Variants in IFT140 observed in about 807,000 individuals in gnomAD.
The protein encoded by IFT140 is intraflagellar transport 140, also known as intraflagellar transport protein 140 homolog.
Under a neutral mutation model 164.6 loss-of-function variants are expected in IFT140, and 133 were observed. That is an observed-to-expected ratio of 0.81 (90% CI 0.70 to 0.93). IFT140 has a LOEUF of 0.93. Ranked by LOEUF, IFT140 falls within the 40% of genes least tolerant of loss-of-function variation. The pLI is 0.00. For missense variants in IFT140, 2,045 were observed against 1,972.3 expected (o/e 1.04, Z -0.70); for synonymous variants, 860 against 817.3 (o/e 1.05, Z -0.89).
At chr16:1,594,416 G>A (rs1018716967) in intron 4 of IFT140, among the ~76,000 whole-genome samples, 5 of 151,876 alleles carry the variant, frequency 3.3e-5, no homozygotes, top group African/African-American at 4.8e-5. Flanking sequence ...AGATGGGGTC[G>A]CACTATGTTG....
intron 19 of IFT140, among the ~76,000 whole-genome samples, chr16:1,549,203 C>G (rs1177191266): frequency 6.6e-6 from 1 of 152,252 alleles, no homozygotes; most frequent in Admixed American, 6.5e-5. Context: ...GTGCTCCAAA[C>G]AGAACCAAAG....
intron 2 of IFT140, among the ~76,000 whole-genome samples, chr16:1,608,343 C>A (rs537483486): frequency 2.0e-5 from 3 of 152,154 alleles, no homozygotes; most frequent in Non-Finnish European, 4.4e-5. Flanking sequence ...GGGTTTGCCA[C>A]CATTTAAAAT....
At chr16:1,523,791 C>T (rs2040592235) in intron 25 of IFT140, 37 bp downstream of exon 25, 3 of 1,607,350 alleles carry the variant, frequency 1.9e-6, no homozygotes, top group Non-Finnish European at 8.5e-7. Flanking sequence ...TGGCTTGCTG[C>T]CCCTCCCCCA....
intron 14 of IFT140, among the ~76,000 whole-genome samples, chr16:1,569,128 C>G (rs2033885592): frequency 2.6e-5 from 4 of 151,972 alleles, no homozygotes; most frequent in Admixed American, 2.0e-4. Flanking sequence ...CCTCAGCCTC[C>G]CGAGTAGCTG....
intron 29 of IFT140, among the ~76,000 whole-genome samples, chr16:1,518,949 A>C (rs1026525807): frequency 1.3e-5 from 2 of 152,088 alleles, no homozygotes; most frequent in African/African-American, 4.8e-5. Flanking sequence ...CTGGCCACCC[A>C]CTGACTCGGC....
intron 18 of IFT140, among the ~76,000 whole-genome samples, chr16:1,558,994 A>T (rs903078473): frequency 1.2e-4 from 19 of 152,348 alleles, no homozygotes; most frequent in African/African-American, 4.1e-4. Context: ...CTGGGTCTCA[A>T]AGAAATCTGG....
chr16:1,543,432 G>A (rs547793193), intron 19 of IFT140, among the ~76,000 whole-genome samples: 40 of 152,326 alleles, frequency 2.6e-4, no homozygotes, highest in African/African-American at 8.2e-4. Context: ...ATAGCATGGC[G>A]TGGCCCTGGG....
chr16:1,512,012 A>G (rs908323068), intron 30 of IFT140, among the ~76,000 whole-genome samples: 2 of 151,298 alleles, frequency 1.3e-5, no homozygotes, highest in African/African-American at 2.4e-5. Context: ...GTCCTGATGC[A>G]ACCAGGGCCT....
In IFT140 at chr16:1,553,679, G is replaced by A; in HGVS notation, c.2399+4256C>T. On this transcript the variant is annotated intron_variant, in intron 19 of 30. Coordinates refer to ENST00000426508, the MANE Select transcript of IFT140 (RefSeq NM_014714.4). The surrounding 1 kb of genome is among the most constrained non-coding windows in gnomAD (Gnocchi z 4.4). ...CTGGGTGGGCAGAAGCGGGGCTGGG[G>A]CTGAAGGCTGGCTGGAGGCCCCATG... The A allele has an allele frequency of 9.3e-7, 1 of 1,075,984 alleles. No individual in the cohort carries two copies. Among genetic ancestry groups the A allele is most frequent in the Non-Finnish European group, 1.1e-6 (1 of 880,496 alleles). 66.7% of individuals were successfully genotyped at this position (1,075,984 alleles called of 1,614,324 possible). A position where few individuals can be genotyped will look rare whatever the true frequency, so the allele number is the denominator to read the frequency against.
At chr16:1,555,344 G>A (rs2033007561) in intron 19 of IFT140, 2 of 319,748 alleles carry the variant, frequency 6.3e-6, no homozygotes, top group Non-Finnish European at 5.8e-6. Flanking sequence ...CCTGCGCTCC[G>A]CTTTGCTTTG....
At chr16:1,584,580 TC>T (rs1430943926) in intron 10 of IFT140, among the ~76,000 whole-genome samples, 160 bp from the exon 11 acceptor site, 1 of 152,146 alleles carries the variant, frequency 6.6e-6, no homozygotes, top group Non-Finnish European at 1.5e-5. Context: ...ATAAGAAAAG[TC>T]TTATAAAGGT....
intron 19 of IFT140, chr16:1,541,390 C>G: frequency 2.0e-6 from 2 of 985,452 alleles, no homozygotes; most frequent in Non-Finnish European, 2.4e-6. Context: ...CCAAGTCCCT[C>G]AGCTGCTGGG....
Position 1,539,476 on chromosome 16 carries a change from C to A in IFT140, c.2400-12680G>T, listed in dbSNP as rs114620995. ...CCAAGCACTCTGGCCCCACGGCCAC[C>A]TATGCCCATGCTGAGCCAGGTCCTC... is the stretch of plus-strand genomic sequence containing the variant. On this transcript the variant is annotated intron_variant, in intron 19 of 30. Coordinates refer to ENST00000426508, the MANE Select transcript of IFT140 (RefSeq NM_014714.4). 7.1e-4 allele frequency among the ~76,000 whole-genome samples: 108 copies of A among 152,392 alleles called. 1 individual carries two copies. The highest frequency in any genetic ancestry group is 2.5e-3 in the African/African-American group (106 of 41,604).
Position 1,526,021 on chromosome 16 carries a change from G to T in IFT140, c.2634C>A (p.Phe878Leu). 1 of 1,602,200 alleles carries T rather than the reference G, an allele frequency of 6.2e-7. No homozygotes were observed. Among genetic ancestry groups the T allele is most frequent in the Non-Finnish European group, 8.5e-7 (1 of 1,174,782 alleles). The change falls in exon 21 of 31, where the codon TTC (phenylalanine) becomes TTA (leucine). Residue 878 changes from phenylalanine to leucine, a missense_variant. Phe to Leu is a conservative substitution (Grantham distance 22). Coordinates refer to ENST00000426508, the MANE Select transcript of IFT140 (RefSeq NM_014714.4). ...CCTGCCACCGGCCCGCAGCCTGGTA[G>T]AACTTGTTCAGGAGGTCGTGGCGCT... ...KCKRHDLLNK[F>L]YQAAGRWQEA...
rs1486566378 is a variant in IFT140 at position 1,586,235 on chromosome 16, C to G, written c.1050G>C (p.Met350Ile). Residue 350 changes from methionine to isoleucine, a missense_variant, in exon 10 of 31, where the codon ATG (methionine) becomes ATC (isoleucine). Physicochemically the swap from Met to Ile is conservative, Grantham distance 10 (BLOSUM62 1). Transcript: ENST00000426508. ...AAGTDRGRVA[M>I]WRKVPDFLGS... is the part of the protein sequence containing the mutation. ...CCAGGAAGTCTGGTACTTTCCTCCA[C>G]ATGGCTACTCGCCCTCTGTCGGTAC... 6.2e-7 allele frequency: 1 copy of G among 1,614,056 alleles called. No homozygotes were observed. Among genetic ancestry groups the G allele is most frequent in the Non-Finnish European group, 8.5e-7 (1 of 1,180,004 alleles).
intron 2 of IFT140, among the ~76,000 whole-genome samples, chr16:1,607,589 A>G (rs2036142360): frequency 6.6e-6 from 1 of 152,196 alleles, no homozygotes; most frequent in Non-Finnish European, 1.5e-5. Flanking sequence ...CTAACTACAC[A>G]CGCAATCCTC....
intron 1 of IFT140, among the ~76,000 whole-genome samples, chr16:1,611,429 G>A (rs1431228017): frequency 6.6e-6 from 1 of 150,492 alleles, no homozygotes. Context: ...GCCCCGGGAG[G>A]CGGAGACTGC....
chr16:1,558,195 G>A (rs1459650664), intron 18 of IFT140, 61 bp from the exon 19 acceptor site: 1 of 1,542,040 alleles, frequency 6.5e-7, no homozygotes, highest in Non-Finnish European at 9.0e-7. Context: ...CCCTCACCCA[G>A]ACCTCGTCCT....
chr16:1,520,683 C>G lies in IFT140; in HGVS notation c.3579G>C (p.Glu1193Asp). 1.7e-5 allele frequency: 27 copies of G among 1,608,716 alleles called. No individual in the cohort carries two copies. Among genetic ancestry groups the G allele is most frequent in the Non-Finnish European group, 2.3e-5 (27 of 1,177,870 alleles). ...LPEESRRELL[E>D]QIADCCMRQG... is the part of the protein sequence containing the mutation. Reference sequence around the variant, plus strand: ...GGCGCATGCAGCAGTCTGCTATCTGCTCCAGCAGCTCCCGCCGCGACTCCT... The same window carrying G: ...GGCGCATGCAGCAGTCTGCTATCTGGTCCAGCAGCTCCCGCCGCGACTCCT... The change falls in exon 27 of 31, where the codon GAG (glutamate) becomes GAC (aspartate). Residue 1193 changes from glutamate to aspartate, a missense_variant. By Grantham distance (45) the Glu-to-Asp change is conservative (BLOSUM62 2). Transcript: ENST00000426508.
Sources: allele counts gnomAD v4.1 joint callset (sites outside exome capture counted in the v4.1 genomes callset), GRCh38; gene constraint gnomAD v4.1.1; non-coding constraint Gnocchi (gnomAD v3.1); transcripts MANE v1.5; gene names NCBI Gene and HGNC (gene_info 2026-07-23, HGNC 2026-07-21).